KLF13: variants seen among roughly 807,000 people sequenced by gnomAD.
KLF13 encodes KLF transcription factor 13, also known as Krueppel-like factor 13.
In KLF13, 8 loss-of-function variants were observed where a neutral mutation model predicts 16.7. The observed-to-expected ratio is 0.48, with a 90% CI of 0.28 to 0.87. The LOEUF (loss-of-function observed/expected upper bound fraction) is 0.87, where lower values mean the gene tolerates loss of function less well. Ranked by LOEUF, KLF13 falls within the 40% of genes least tolerant of loss-of-function variation. The pLI is 0.10. For synonymous variants in KLF13, 245 were observed against 208.4 expected (o/e 1.18, Z -1.51); for missense variants, 447 against 452.2 (o/e 0.99, Z 0.10).
chr15:31,344,056 G>A (rs2039073251), intron 1 of KLF13, among the ~76,000 whole-genome samples: 1 of 152,170 alleles, frequency 6.6e-6, no homozygotes, highest in Non-Finnish European at 1.5e-5. Flanking sequence ...GCTGTCAGGG[G>A]TGACTTTGGC....
upstream of KLF13, among the ~76,000 whole-genome samples, chr15:31,390,432 C>G (rs1412743136): frequency 2.6e-5 from 4 of 152,178 alleles, no homozygotes; most frequent in Non-Finnish European, 5.9e-5. Flanking sequence ...AAACAAGGTT[C>G]AAAATTACTT....
chr15:31,354,913 C>A (rs8036899), intron 1 of KLF13, among the ~76,000 whole-genome samples: 64,487 of 151,982 alleles, frequency 0.42, 14,620 homozygotes, highest in East Asian at 0.56. Context: ...GTCTAATTTT[C>A]ATACTGGGCT....
downstream of KLF13, among the ~76,000 whole-genome samples, chr15:31,380,528 T>C (rs1052679306): frequency 6.6e-6 from 1 of 152,206 alleles, no homozygotes; most frequent in African/African-American, 2.4e-5. Flanking sequence ...CACTTTCTCC[T>C]AGCCTTGTTG....
chr15:31,397,343 A>G (rs543263060), intron 2 of KLF13, among the ~76,000 whole-genome samples: 84 of 152,330 alleles, frequency 5.5e-4, no homozygotes, highest in African/African-American at 1.6e-3. Context: ...AATTACCGGG[A>G]GAATAATTAC....
chr15:31,345,561 A>G (rs931796792), intron 1 of KLF13, among the ~76,000 whole-genome samples: 2 of 152,202 alleles, frequency 1.3e-5, no homozygotes, highest in Non-Finnish European at 2.9e-5. Flanking sequence ...CCTGAAACTG[A>G]CAGGAAATCT....
intron 1 of KLF13, among the ~76,000 whole-genome samples, chr15:31,352,858 C>A (rs2003979): frequency 0.83 from 126,764 of 152,210 alleles, 52,885 homozygotes; most frequent in South Asian, 0.88. Context: ...GAACCCAGAG[C>A]CCACTGGCAT....
chr15:31,392,944 A>C (rs1326000608), exon 1 of KLF13: 1 of 152,684 alleles, frequency 6.5e-6, no homozygotes, highest in Non-Finnish European at 1.5e-5. Context: ...GAGAGCATGG[A>C]GGCAAGTTCT....
intron 1 of KLF13, among the ~76,000 whole-genome samples, chr15:31,340,611 G>C (rs971547271): frequency 6.6e-6 from 1 of 152,172 alleles, no homozygotes; most frequent in Admixed American, 6.5e-5. Context: ...GAAAAAACTC[G>C]TGCTGGGCAT....
In KLF13 at chr15:31,435,311, C is replaced by T. The variant is rs994183438; in HGVS notation, n.118-59C>T. On this transcript the variant is annotated intron_variant and non_coding_transcript_variant, in intron 1 of 1. Coordinates refer to the KLF13 transcript ENST00000558225. ...TCTCGCTAGGGTCATGCTTAGGACC[C>T]TTCGCAGGTGGTGTGTTTAATCTCA... 3.3e-5 allele frequency: 5 copies of T among 152,256 alleles called. No homozygotes were observed. In the East Asian group the frequency reaches 7.7e-4, roughly 24 times the overall value. The allele number at this position is 152,256 out of a possible 1,614,324, so 9.4% of individuals were successfully genotyped here.
chr15:31,333,058 C>T (rs1353536053), intron 1 of KLF13, among the ~76,000 whole-genome samples: 8 of 152,220 alleles, frequency 5.3e-5, no homozygotes, highest in South Asian at 2.1e-4. Flanking sequence ...AAAATAAAAA[C>T]TTCTAGAATA....
chr15:31,394,452 C>T (rs2039925689), intron 2 of KLF13, among the ~76,000 whole-genome samples: 1 of 151,288 alleles, frequency 6.6e-6, no homozygotes, highest in Admixed American at 6.6e-5. Flanking sequence ...GGGCCACTGC[C>T]CTCCAGCCTG....
intron 1 of KLF13, among the ~76,000 whole-genome samples, chr15:31,334,109 G>A (rs1212347721): frequency 6.6e-6 from 1 of 152,200 alleles, no homozygotes; most frequent in Non-Finnish European, 1.5e-5. Flanking sequence ...GTTCAGCTTT[G>A]GAAGGCTTTT....
chr15:31,367,054 A>T (rs2039485445), intron 1 of KLF13, among the ~76,000 whole-genome samples: 1 of 152,240 alleles, frequency 6.6e-6, no homozygotes, highest in South Asian at 2.1e-4. Context: ...TCCCGCCCAC[A>T]TACAGGAAAG....
intron 1 of KLF13, among the ~76,000 whole-genome samples, chr15:31,335,639 C>G (rs992568103): frequency 1.6e-4 from 24 of 152,106 alleles, no homozygotes; most frequent in African/African-American, 5.8e-4. Flanking sequence ...TTTTGAAGTT[C>G]ATCACACAAA....
intron 1 of KLF13, among the ~76,000 whole-genome samples, chr15:31,347,363 T>C (rs1412975999): frequency 1.3e-5 from 2 of 152,086 alleles, no homozygotes; most frequent in Non-Finnish European, 2.9e-5. Flanking sequence ...GAGGCAGGGC[T>C]GGGGATGGGC....
At chr15:31,402,518 T>TCAGGAAGTCCACAGAGCCTGAATG (rs2040052002) in intron 2 of KLF13, among the ~76,000 whole-genome samples, 1 of 152,210 alleles carries the variant, frequency 6.6e-6, no homozygotes, top group Admixed American at 6.5e-5. Context: ...GAGAAGACAC[T>TCAGGAAGTCCACAGAGCCTGAATG]CAGGAAGTCC....
intron 1 of KLF13, among the ~76,000 whole-genome samples, chr15:31,364,915 C>G (rs2039442466): frequency 6.6e-6 from 1 of 152,220 alleles, no homozygotes; most frequent in South Asian, 2.1e-4. Flanking sequence ...AGTCCACCCC[C>G]CACCACAGAG....
chr15:31,327,767 G>C lies in KLF13; in HGVS notation c.555G>C (p.Lys185Asn), dbSNP rs374859326. 68 of 1,530,410 alleles carry C rather than the reference G, an allele frequency of 4.4e-5. No homozygotes were observed. Among genetic ancestry groups the C allele is most frequent in the Non-Finnish European group, 5.8e-5 (66 of 1,134,380 alleles). The allele number at this position is 1,530,410 out of a possible 1,614,324, so 94.8% of individuals were successfully genotyped here. A position where few individuals can be genotyped will look rare whatever the true frequency, so the allele number is the denominator to read the frequency against. Residue 185 changes from lysine to asparagine, a missense_variant, in exon 1 of 2, where the codon AAG becomes AAC. This residue lies in a region of KLF13 where 359 missense variants were observed against 282.8 expected (regional missense o/e 1.27). Coordinates refer to ENST00000307145, the MANE Select transcript of KLF13 (RefSeq NM_015995.4). Reference protein sequence around the residue: ...EKVYGKSSHLKAHLRTHTGER... With the variant: ...EKVYGKSSHLNAHLRTHTGER... ...TTTACGGGAAATCTTCGCACCTCAA[G>C]GCGCACCTGAGAACTCACACAGGTC... is the stretch of plus-strand genomic sequence containing the variant.
At position 31,429,075 on chromosome 15, in the gene KLF13, C is replaced by T. The variant is rs191884806; in HGVS notation, n.118-6295C>T. Reference sequence around the variant, plus strand: ...AAGAATTTTGGGACAGCACCCCTAACGCATTAAGTCAAGTACAGGAGTCTT... The same window carrying T: ...AAGAATTTTGGGACAGCACCCCTAATGCATTAAGTCAAGTACAGGAGTCTT... On this transcript the variant is annotated intron_variant and non_coding_transcript_variant, in intron 1 of 1. Coordinates refer to the KLF13 transcript ENST00000558225. Among the ~76,000 whole-genome samples, 14 of 152,258 alleles carry T rather than the reference C, an allele frequency of 9.2e-5. No individual in the cohort carries two copies. In the East Asian group the frequency reaches 1.2e-3, roughly 13 times the overall value.
Sources: gnomAD v4.1 joint callset for allele counts (sites outside exome capture counted in the v4.1 genomes callset) on GRCh38, gnomAD v4.1.1 for gene constraint, gnomAD v4.1.1 regional missense constraint, MANE v1.5 for transcripts, NCBI Gene and HGNC (gene_info 2026-07-23, HGNC 2026-07-21) for gene names.